Variants in CTNNBL1 observed in about 807,000 individuals in gnomAD.
CTNNBL1 encodes the protein catenin beta like 1.
CTNNBL1 carries 31 observed loss-of-function variants against 72.7 expected under a neutral mutation model. The ratio of observed to expected loss-of-function variants is 0.43; its 90% CI spans 0.32 to 0.58. CTNNBL1 has a LOEUF of 0.58. Among genes scored for constraint, CTNNBL1 ranks in the 20% least tolerant of loss-of-function variants. The pLI is 0.08. For synonymous variants in CTNNBL1, 240 were observed against 267.3 expected, an observed-to-expected ratio of 0.90 and a Z score of 1.00; for missense variants, 534 against 725.1, an observed-to-expected ratio of 0.74 and a Z score of 3.03.
chr20:37,817,315 G>T (rs2072068909), intron 11 of CTNNBL1, among the ~76,000 whole-genome samples: 1 of 152,204 alleles, frequency 6.6e-6, no homozygotes, highest in South Asian at 2.1e-4. Flanking sequence ...GCCAAAGCAG[G>T]AAACCTCTAT....
chr20:37,715,154 C>T (rs1007639839), intron 1 of CTNNBL1, among the ~76,000 whole-genome samples: 1 of 152,102 alleles, frequency 6.6e-6, no homozygotes, highest in Non-Finnish European at 1.5e-5. Flanking sequence ...ATCACAGAAA[C>T]CAGTTATAGC....
intron 3 of CTNNBL1, among the ~76,000 whole-genome samples, chr20:37,745,452 T>C (rs1411933886): frequency 2.0e-5 from 3 of 152,232 alleles, no homozygotes; most frequent in Non-Finnish European, 2.9e-5. Context: ...GCAGCAATAG[T>C]AATGAGAACA....
chr20:37,744,323 T>C (rs544161069), intron 3 of CTNNBL1, among the ~76,000 whole-genome samples: 1 of 152,346 alleles, frequency 6.6e-6, no homozygotes, highest in South Asian at 2.1e-4. Context: ...TCAAAATCTA[T>C]TTAAGTCATG....
intron 1 of CTNNBL1, among the ~76,000 whole-genome samples, chr20:37,722,347 G>A (rs528459845): frequency 2.0e-5 from 3 of 152,050 alleles, no homozygotes; most frequent in Non-Finnish European, 2.9e-5. Context: ...GGTAGTGCAC[G>A]CCTGTAGTCC....
In CTNNBL1 at chr20:37,777,136, TAA is replaced by T. The variant is rs1257203385; in HGVS notation, c.751-208_751-207del. The T allele has an allele frequency of 4.4e-4, 223 of 504,972 alleles. 5 individuals carry two copies. The South Asian group carries it at 5.3e-3, about 12-fold the overall frequency. The allele number at this position is 504,972 out of a possible 1,614,324, so 31.3% of individuals were successfully genotyped here. ...GGAGGTAACCTTAATACCTGGGCAT[TAA>T]GAGTGTGAGAGCCATTGTTTCAATC... On this transcript the variant is annotated intron_variant, in intron 7 of 15. Transcript: ENST00000361383.
rs867303624 is a variant in CTNNBL1, at chr20:37,710,416, G to A, written c.30+16264G>A. Reference sequence around the variant, plus strand: ...GAAAAGTTGAGGTTGTTGGAAGAATGAAGCATTCGTATTCTTGGTCATTTT... The same window carrying A: ...GAAAAGTTGAGGTTGTTGGAAGAATAAAGCATTCGTATTCTTGGTCATTTT... On this transcript the variant is annotated intron_variant, in intron 1 of 15. Transcript: ENST00000361383. Among the ~76,000 whole-genome samples the A allele has an allele frequency of 5.3e-5, 8 of 152,330 alleles. No homozygotes were observed. The South Asian group carries it at 1.7e-3, about 32-fold the overall frequency.
At position 37,803,054 on chromosome 20, in the gene CTNNBL1, G is replaced by T. The variant is rs775726289; in HGVS notation, c.1213+6G>T. 3.1e-6 allele frequency: 5 copies of T among 1,612,140 alleles called. No individual in the cohort carries two copies. The highest frequency in any genetic ancestry group is 1.7e-5 in the Admixed American group (1 of 59,864). On this transcript the variant is annotated splice_donor_region_variant and intron_variant, in intron 11 of 15. Transcript: ENST00000361383. ...CACTGAGAAGGAACATGAAGGTAGG[G>T]TTCACTGGAGGAGTCAGCCTAATTT...
At chr20:37,840,810 G>T (rs1328322088) in intron 12 of CTNNBL1, among the ~76,000 whole-genome samples, 1 of 151,872 alleles carries the variant, frequency 6.6e-6, no homozygotes, top group Admixed American at 6.5e-5. Context: ...AGATTAGATG[G>T]ATCGGGCTAT....
rs531645358 is a variant in CTNNBL1 at position 37,725,661 on chromosome 20, A to G, written c.31-7218A>G. 1.5e-4 allele frequency among the ~76,000 whole-genome samples: 22 copies of G among 149,880 alleles called. No homozygotes were observed. The South Asian group carries it at 1.5e-3, about 10-fold the overall frequency. On this transcript the variant is annotated intron_variant, in intron 1 of 15. Transcript: ENST00000361383. ...TAGGGAGCTCAGTGTGTTGTTTTCT[A>G]TGGGCCAAACTGCTCTGTACTTTAG...
chr20:37,820,837 A>G (rs2072100957), intron 11 of CTNNBL1, among the ~76,000 whole-genome samples: 1 of 152,216 alleles, frequency 6.6e-6, no homozygotes, highest in African/African-American at 2.4e-5. Flanking sequence ...TAGTAGCGTG[A>G]ATGTGAACTA....
rs1335901569 is a variant in CTNNBL1 at position 37,866,985 on chromosome 20, A to T, written c.1604-4940A>T. ...GGGTGCTTTTCCAACTGTGTAAAAC[A>T]TCCATGGGACTCTGAGAACATGACC... is the stretch of plus-strand genomic sequence containing the variant. On this transcript the variant is annotated intron_variant, in intron 15 of 15. Transcript: ENST00000361383. 7.2e-5 allele frequency among the ~76,000 whole-genome samples: 11 copies of T among 152,180 alleles called. 1 individual carries two copies. Among genetic ancestry groups the T allele is most frequent in the Admixed American group, 7.2e-4 (11 of 15,278 alleles).
chr20:37,818,709 A>G (rs1269201368), intron 11 of CTNNBL1, among the ~76,000 whole-genome samples: 1 of 152,232 alleles, frequency 6.6e-6, no homozygotes, highest in East Asian at 1.9e-4. Context: ...CAAAATCAGA[A>G]TCACAGGAAT....
At chr20:37,825,210 G>C (rs951641053) in intron 11 of CTNNBL1, among the ~76,000 whole-genome samples, 8 of 151,956 alleles carry the variant, frequency 5.3e-5, no homozygotes, top group Non-Finnish European at 1.0e-4. Flanking sequence ...AAAATTAGTC[G>C]GGCATGGTGG....
chr20:37,726,428 G>A (rs192412117), intron 1 of CTNNBL1, among the ~76,000 whole-genome samples: 2 of 152,240 alleles, frequency 1.3e-5, no homozygotes, highest in Admixed American at 1.3e-4. Context: ...CACTATATTG[G>A]GATTTAGAAG....
At chr20:37,732,469 G>C (rs1030742864) in intron 1 of CTNNBL1, among the ~76,000 whole-genome samples, 1 of 152,202 alleles carries the variant, frequency 6.6e-6, no homozygotes, top group Non-Finnish European at 1.5e-5. Flanking sequence ...TCTTAAGATA[G>C]CTTTGTTGCT....
At chr20:37,802,066 A>G (rs1487599627) in intron 10 of CTNNBL1, among the ~76,000 whole-genome samples, 1 of 152,242 alleles carries the variant, frequency 6.6e-6, no homozygotes, top group Non-Finnish European at 1.5e-5. Context: ...GAAACTAAGG[A>G]AACAATGTTG....
chr20:37,733,383 AT>A (rs2073146442), intron 2 of CTNNBL1, among the ~76,000 whole-genome samples: 2 of 152,158 alleles, frequency 1.3e-5, no homozygotes, highest in African/African-American at 4.8e-5. Context: ...GAGGGGTCAA[AT>A]TTCACCAAGT....
chr20:37,766,367 C>T (rs954902087), intron 6 of CTNNBL1, among the ~76,000 whole-genome samples: 1 of 152,178 alleles, frequency 6.6e-6, no homozygotes, highest in East Asian at 1.9e-4. Context: ...AGAGTCTTCC[C>T]TCTCTCTCAC....
intron 6 of CTNNBL1, among the ~76,000 whole-genome samples, chr20:37,766,380 A>G (rs1414011186): frequency 6.6e-6 from 1 of 152,132 alleles, no homozygotes; most frequent in Non-Finnish European, 1.5e-5. Context: ...TCTCTCACTT[A>G]TTGAGTGCCT....
Sources: gnomAD v4.1 joint callset for allele counts (sites outside exome capture counted in the v4.1 genomes callset) on GRCh38, gnomAD v4.1.1 for gene constraint, MANE v1.5 for transcripts, NCBI Gene and HGNC (gene_info 2026-07-23, HGNC 2026-07-21) for gene names.